The following THRB variants were observed in gnomAD, a reference collection of about 807,000 sequenced individuals.
THRB encodes the protein thyroid hormone receptor beta.
A neutral mutation model predicts 47.8 loss-of-function variants in THRB; 12 were observed. The ratio of observed to expected loss-of-function variants is 0.25; its 90% CI spans 0.16 to 0.41. The LOEUF (loss-of-function observed/expected upper bound fraction) is 0.41, where lower values mean the gene tolerates loss of function less well. Among genes scored for constraint, THRB ranks in the 10% least tolerant of loss-of-function variants. The pLI is 1.00. For missense variants in THRB, 348 were observed against 589.2 expected (o/e 0.59, Z 4.24); for synonymous variants, 218 against 212.2 (o/e 1.03, Z -0.24).
At position 24,489,565 on chromosome 3, in the gene THRB, T is replaced by C. The variant is rs6796592; in HGVS notation, c.-261+5087A>G. Among the ~76,000 whole-genome samples, 376 of 152,324 alleles carry C rather than the reference T, an allele frequency of 2.5e-3. 3 individuals carry two copies. Among genetic ancestry groups the C allele is most frequent in the African/African-American group, 8.6e-3 (357 of 41,576 alleles). On this transcript the variant is annotated intron_variant, in intron 1 of 10. Coordinates refer to ENST00000646209, the MANE Select transcript of THRB (RefSeq NM_001354712.2). ...CAGGACAGTCAAGGTTCCTAGGTCC[T>C]AATTCCAGACTCCCCTGATTTGCTA...
chr3:24,288,896 G>A (rs149714046), intron 3 of THRB, among the ~76,000 whole-genome samples: 52 of 152,314 alleles, frequency 3.4e-4, no homozygotes, highest in African/African-American at 9.6e-4. Context: ...ATGCTTGGTC[G>A]TTATGTAAAA....
At chr3:24,272,474 C>CT (rs2053457659) in intron 3 of THRB, among the ~76,000 whole-genome samples, 1 of 152,118 alleles carries the variant, frequency 6.6e-6, no homozygotes, top group African/African-American at 2.4e-5. Context: ...TGTTAAGTGC[C>CT]TGCAGGATTT....
At chr3:24,283,544 C>T (rs2054869969) in intron 3 of THRB, among the ~76,000 whole-genome samples, 2 of 150,622 alleles carry the variant, frequency 1.3e-5, no homozygotes, top group African/African-American at 5.0e-5. Flanking sequence ...TGCCCTCTCT[C>T]ACCACTCCTA....
chr3:24,233,394 G>A (rs2048440378), intron 3 of THRB, among the ~76,000 whole-genome samples: 1 of 151,474 alleles, frequency 6.6e-6, no homozygotes, highest in Non-Finnish European at 1.5e-5. Context: ...AGGCCAAGGT[G>A]GGAAGACTGC....
At chr3:24,360,792 G>A (rs2064007580) in intron 1 of THRB, among the ~76,000 whole-genome samples, 2 of 152,240 alleles carry the variant, frequency 1.3e-5, no homozygotes, top group African/African-American at 4.8e-5. Flanking sequence ...TCCCCAACAT[G>A]AATATATTTT....
chr3:24,421,863 C>G (rs909018098), intron 1 of THRB, among the ~76,000 whole-genome samples: 5 of 151,864 alleles, frequency 3.3e-5, no homozygotes, highest in African/African-American at 1.2e-4. Context: ...TCTAAAGCAC[C>G]CTGTCTGCAG....
chr3:24,273,743 G>A (rs2053590869), intron 3 of THRB, among the ~76,000 whole-genome samples: 2 of 152,100 alleles, frequency 1.3e-5, no homozygotes, highest in Non-Finnish European at 2.9e-5. Flanking sequence ...AGATGTCACT[G>A]GGGTAGAGTT....
intron 5 of THRB, among the ~76,000 whole-genome samples, chr3:24,168,983 T>A (rs2040054085): frequency 6.6e-6 from 1 of 152,028 alleles, no homozygotes; most frequent in South Asian, 2.1e-4. Context: ...AGATATGAAA[T>A]GGCTGAGCAG....
At chr3:24,397,029 A>G (rs982868424) in intron 1 of THRB, among the ~76,000 whole-genome samples, 1 of 152,126 alleles carries the variant, frequency 6.6e-6, no homozygotes, top group Non-Finnish European at 1.5e-5. Context: ...AAATGAAAAC[A>G]GTATGCTCCC....
chr3:24,431,899 A>G (rs2070461163), intron 1 of THRB, among the ~76,000 whole-genome samples: 1 of 152,112 alleles, frequency 6.6e-6, no homozygotes, highest in Admixed American at 6.6e-5. Context: ...GAACATATAT[A>G]TGACATGCTA....
At chr3:24,454,387 G>A (rs545118626) in intron 1 of THRB, among the ~76,000 whole-genome samples, 2 of 152,286 alleles carry the variant, frequency 1.3e-5, no homozygotes, top group East Asian at 3.9e-4. Context: ...AAGTGTTAAT[G>A]AGTGTGAGGT....
chr3:24,191,049 T>C (rs1392324152), intron 4 of THRB, among the ~76,000 whole-genome samples: 1 of 151,916 alleles, frequency 6.6e-6, no homozygotes, highest in Non-Finnish European at 1.5e-5. Context: ...TTCTTTGGAG[T>C]ACAGCTGGTT....
chr3:24,433,930 C>T (rs1320812983), intron 1 of THRB, among the ~76,000 whole-genome samples: 1 of 152,126 alleles, frequency 6.6e-6, no homozygotes, highest in Non-Finnish European at 1.5e-5. Context: ...GGCCTCTATC[C>T]CTCAGCTATA....
At chr3:24,327,575 T>C (rs2061676062) in intron 2 of THRB, among the ~76,000 whole-genome samples, 2 of 152,260 alleles carry the variant, frequency 1.3e-5, no homozygotes, top group East Asian at 1.9e-4. Context: ...GTACTTGGGA[T>C]ATATCTGTAA....
chr3:24,226,580 A>G (rs1414860164), intron 4 of THRB, among the ~76,000 whole-genome samples: 1 of 152,190 alleles, frequency 6.6e-6, no homozygotes, highest in Non-Finnish European at 1.5e-5. Flanking sequence ...GTCTGCGAGG[A>G]AAGCATCCCA....
chr3:24,226,251 G>C (rs1421822344), intron 4 of THRB, among the ~76,000 whole-genome samples: 1 of 152,192 alleles, frequency 6.6e-6, no homozygotes, highest in Non-Finnish European at 1.5e-5. Context: ...TTTGGCCTTT[G>C]AAGTATGCTC....
chr3:24,417,862 C>T (rs953847902), intron 1 of THRB, among the ~76,000 whole-genome samples: 2 of 151,786 alleles, frequency 1.3e-5, no homozygotes, highest in South Asian at 2.1e-4. Context: ...AATGAGGAAA[C>T]GGGGATTTAG....
intron 5 of THRB, among the ~76,000 whole-genome samples, chr3:24,166,159 G>A (rs2683543): frequency 2.6e-5 from 4 of 152,148 alleles, no homozygotes; most frequent in African/African-American, 4.8e-5. Flanking sequence ...TGTTCCTTGC[G>A]CATGATTATT....
intron 1 of THRB, among the ~76,000 whole-genome samples, chr3:24,357,547 T>C (rs371448105): frequency 6.6e-6 from 1 of 152,174 alleles, no homozygotes; most frequent in African/African-American, 2.4e-5. Flanking sequence ...GAAATGTTCC[T>C]GGCATACACA....
Sources: gnomAD v4.1 joint callset for allele counts (sites outside exome capture counted in the v4.1 genomes callset) on GRCh38, gnomAD v4.1.1 for gene constraint, MANE v1.5 for transcripts, NCBI Gene and HGNC (gene_info 2026-07-23, HGNC 2026-07-21) for gene names.